MCU: variants seen among roughly 807,000 people sequenced by gnomAD.
MCU encodes mitochondrial calcium uniporter.
Under a neutral mutation model 45.2 loss-of-function variants are expected in MCU, and 12 were observed. The ratio of observed to expected loss-of-function variants is 0.27; its 90% CI spans 0.17 to 0.43. MCU has a LOEUF of 0.43. MCU is among the 20% of genes least tolerant of loss of function. The pLI, the probability that MCU is intolerant of heterozygous loss-of-function variation, is 1.00. For missense variants in MCU, 324 were observed against 436.7 expected (o/e 0.74, Z 2.30); for synonymous variants, 160 against 165.1 (o/e 0.97, Z 0.24).
intron 2 of MCU, among the ~76,000 whole-genome samples, chr10:72,840,796 A>G (rs1389991111): frequency 6.6e-6 from 1 of 152,188 alleles, no homozygotes; most frequent in Non-Finnish European, 1.5e-5. Context: ...GCAACAGTTC[A>G]GATTTTTTTT....
chr10:72,857,090 A>C (rs1040992553), intron 2 of MCU, among the ~76,000 whole-genome samples: 1 of 151,550 alleles, frequency 6.6e-6, no homozygotes, highest in Non-Finnish European at 1.5e-5. Context: ...GAGACTACAG[A>C]CACATGTCGC....
At chr10:72,772,738 C>T (rs1438637907) in intron 1 of MCU, among the ~76,000 whole-genome samples, 1 of 152,032 alleles carries the variant, frequency 6.6e-6, no homozygotes. Flanking sequence ...ATAGAAAAAA[C>T]CAAAATAACA....
rs371440011 is a variant in MCU at position 72,879,051 on chromosome 10, G to C, written c.862-5215G>C. ...GCCCAAGGTGGGTGGATCACTTGAA[G>C]CCAGGGGTTTGAGACCAGCCTGGCC... On this transcript the variant is annotated intron_variant, in intron 6 of 7. Coordinates refer to ENST00000373053, the MANE Select transcript of MCU (RefSeq NM_138357.3). 2.4e-3 allele frequency among the ~76,000 whole-genome samples: 371 copies of C among 152,264 alleles called. 1 individual carries two copies. The highest frequency in any genetic ancestry group is 8.4e-3 in the African/African-American group (351 of 41,544).
intron 1 of MCU, among the ~76,000 whole-genome samples, chr10:72,742,162 C>T (rs1564544046): frequency 6.6e-6 from 1 of 151,638 alleles, no homozygotes; most frequent in Non-Finnish European, 1.5e-5. Context: ...CATTGTTTTA[C>T]AGTTGCCTAT....
chr10:72,861,687 G>A (rs1262353204), intron 4 of MCU: 2 of 376,850 alleles, frequency 5.3e-6, no homozygotes, highest in Admixed American at 3.3e-5. Context: ...AGTAGAGATG[G>A]GGTTTTGCCA....
intron 1 of MCU, among the ~76,000 whole-genome samples, chr10:72,769,819 G>A (rs957576929): frequency 2.0e-5 from 3 of 152,018 alleles, no homozygotes; most frequent in South Asian, 2.1e-4. Flanking sequence ...GCTACTTTTC[G>A]TTTCTGTGGA....
intron 1 of MCU, among the ~76,000 whole-genome samples, chr10:72,759,071 A>G (rs1470248585): frequency 2.0e-5 from 3 of 152,180 alleles, no homozygotes; most frequent in Non-Finnish European, 4.4e-5. Context: ...GTAGGGTAAT[A>G]GTACTTCTGT....
intron 1 of MCU, among the ~76,000 whole-genome samples, chr10:72,805,101 C>CTCATTCTTTCTTTCTTTCTT (rs1554824915): frequency 1.8e-4 from 19 of 103,398 alleles, no homozygotes; most frequent in Non-Finnish European, 3.5e-4. Flanking sequence ...TTCTTTCTTT[C>CTCATTCTTTCTTTCTTTCTT]TCTTTCTTTC....
At chr10:72,831,111 A>C (rs1013569801) in intron 1 of MCU, among the ~76,000 whole-genome samples, 5 of 152,220 alleles carry the variant, frequency 3.3e-5, no homozygotes, top group African/African-American at 9.6e-5. Context: ...ACTAAAACAA[A>C]TGTGGAAATT....
intron 4 of MCU, 38 bp from the exon 5 acceptor site, chr10:72,868,665 A>G (rs1050138269): frequency 1.3e-5 from 21 of 1,596,024 alleles, no homozygotes; most frequent in Admixed American, 1.7e-5. Flanking sequence ...CAATCATTTA[A>G]GGCATACATT....
intron 1 of MCU, among the ~76,000 whole-genome samples, chr10:72,823,038 T>C (rs1246976165): frequency 6.6e-6 from 1 of 152,186 alleles, no homozygotes; most frequent in Admixed American, 6.6e-5. Context: ...AAGGAAAATA[T>C]ATGTTCACAC....
chr10:72,791,660 T>C (rs1317169224), intron 1 of MCU, among the ~76,000 whole-genome samples: 1 of 152,150 alleles, frequency 6.6e-6, no homozygotes, highest in Admixed American at 6.5e-5. Context: ...TTTCCCATAG[T>C]TATTGAAATG....
intron 1 of MCU, among the ~76,000 whole-genome samples, chr10:72,714,345 CTTTT>C (rs1160353409): frequency 0.025 from 1,395 of 54,750 alleles, 105 homozygotes; most frequent in Middle Eastern, 0.1. Flanking sequence ...CCGCCCTGGT[CTTTT>C]TTTTTTTTTT....
At chr10:72,883,017 A>C (rs1205393011) in intron 6 of MCU, among the ~76,000 whole-genome samples, 1 of 152,256 alleles carries the variant, frequency 6.6e-6, no homozygotes, top group Non-Finnish European at 1.5e-5. Context: ...TTCCCCGATA[A>C]CTATTAATGG....
At chr10:72,857,729 G>A (rs1027904850) in intron 2 of MCU, among the ~76,000 whole-genome samples, 11 of 152,174 alleles carry the variant, frequency 7.2e-5, no homozygotes, top group African/African-American at 2.4e-4. Context: ...TTAAAAAAAT[G>A]TATGTGAAAA....
In MCU at chr10:72,824,953, C is replaced by A. The variant is rs1844774422; in HGVS notation, c.151-9406C>A. On this transcript the variant is annotated intron_variant, in intron 1 of 7. Coordinates refer to ENST00000373053, the MANE Select transcript of MCU (RefSeq NM_138357.3). ...GACTTCTCACCAGCATTTCTTTCCC[C>A]CTTTTTATTTTAGGCTTACCTGAGA... Among the ~76,000 whole-genome samples, 3 of 152,078 alleles carry A rather than the reference C, an allele frequency of 2.0e-5. 1 individual carries two copies. The South Asian group carries it at 6.2e-4, about 32-fold the overall frequency.
intron 1 of MCU, among the ~76,000 whole-genome samples, chr10:72,717,657 T>C (rs1043017578): frequency 6.6e-6 from 1 of 152,172 alleles, no homozygotes; most frequent in Admixed American, 6.6e-5. Flanking sequence ...TGTTCATAAT[T>C]TTGAAGCTAG....
chr10:72,743,408 A>G (rs1210064380), intron 1 of MCU, among the ~76,000 whole-genome samples: 5 of 61,708 alleles, frequency 8.1e-5, no homozygotes, highest in Admixed American at 7.8e-4. Context: ...GTGATACTCC[A>G]TCTCAAAAAA....
At chr10:72,732,633 C>T (rs890095680) in intron 1 of MCU, among the ~76,000 whole-genome samples, 5 of 152,224 alleles carry the variant, frequency 3.3e-5, no homozygotes, top group Admixed American at 3.3e-4. Flanking sequence ...TGTCAAACAA[C>T]TGCCCTTGGT....
Sources: allele counts gnomAD v4.1 joint callset (sites outside exome capture counted in the v4.1 genomes callset), GRCh38; gene constraint gnomAD v4.1.1; transcripts MANE v1.5; gene names NCBI Gene and HGNC (gene_info 2026-07-23, HGNC 2026-07-21).